The following ZNF268 variants were observed in gnomAD, a reference collection of about 807,000 sequenced individuals.
The protein encoded by ZNF268 is zinc finger protein 3.
In ZNF268, 20 loss-of-function variants were observed where a neutral mutation model predicts 29.3. The observed-to-expected ratio is 0.68, with a 90% CI of 0.48 to 0.99. The LOEUF is 0.99. ZNF268 is among the 50% of genes least tolerant of loss of function. ZNF268 has a pLI of 0.00. For missense variants in ZNF268, 1,240 were observed against 1,121.6 expected (o/e 1.11, Z -1.51); for synonymous variants, 429 against 376.9 (o/e 1.14, Z -1.60).
chr12:133,205,791 T>G lies in ZNF268; in HGVS notation c.*1261T>G, dbSNP rs1293639501. ...TCTTGATTTCCTCTTAACGAAACAT[T>G]CCCTAACGGTGTATGTAGTCATGAG... On this transcript the variant is annotated 3_prime_UTR_variant, in exon 6 of 6. Transcript: ENST00000536435. 6.6e-6 allele frequency: 1 copy of G among 152,168 alleles called. No individual in the cohort carries two copies. The highest frequency in any genetic ancestry group is 1.5e-5 in the Non-Finnish European group (1 of 68,038). 9.4% of individuals were successfully genotyped at this position (152,168 alleles called of 1,614,324 possible). A position where few individuals can be genotyped will look rare whatever the true frequency, so the allele number is the denominator to read the frequency against.
intron 5 of ZNF268, among the ~76,000 whole-genome samples, chr12:133,192,881 G>A (rs927737953): frequency 4.6e-5 from 7 of 152,100 alleles, no homozygotes; most frequent in Admixed American, 2.0e-4. Context: ...GGATGGTCTC[G>A]ATCTCCTGAC....
Position 133,210,872 on chromosome 12 carries a change from G to A in ZNF268, c.*6342G>A. The A allele has an allele frequency of 2.2e-6, 1 of 456,056 alleles. No individual in the cohort carries two copies. The highest frequency in any genetic ancestry group is 2.0e-5 in the African/African-American group (1 of 50,170). 28.3% of individuals were successfully genotyped at this position (456,056 alleles called of 1,614,324 possible). ...ACTGCAAGCAGGCTAGACAAGGTGTGTGCTTGCACCCCTTCCTTACTACCT... is the reference window on the plus strand; with the variant it reads ...ACTGCAAGCAGGCTAGACAAGGTGTATGCTTGCACCCCTTCCTTACTACCT... On this transcript the variant is annotated 3_prime_UTR_variant, in exon 6 of 6. Coordinates refer to ENST00000536435, the MANE Select transcript of ZNF268 (RefSeq NM_003415.3).
At position 133,203,707 on chromosome 12, in the gene ZNF268, C is replaced by T; in HGVS notation, c.2021C>T (p.Ala674Val). The change falls in exon 6 of 6, where the codon GCA becomes GTA. Residue 674 changes from alanine (A) to valine (V), a missense_variant. By Grantham distance (64) the Ala-to-Val change is moderately conservative (BLOSUM62 0). Transcript: ENST00000536435. ...AAACCCTATGGATGCAGTCAATGTGCAAAAACCTTTAGTTTGAAGTCCCAG... is the reference window on the plus strand; with the variant it reads ...AAACCCTATGGATGCAGTCAATGTGTAAAAACCTTTAGTTTGAAGTCCCAG... ...GVKPYGCSQC[A>V]KTFSLKSQLI... 2 of 1,546,844 alleles carry T rather than the reference C, an allele frequency of 1.3e-6. No individual in the cohort carries two copies. The highest frequency in any genetic ancestry group is 2.4e-5 in the South Asian group (2 of 85,056).
chr12:133,202,851 G>A lies in ZNF268; in HGVS notation c.1165G>A (p.Val389Met), dbSNP rs375311685. ...QKTHSGQKPYVCNECGKAFGL... is the reference protein window; with the variant it reads ...QKTHSGQKPYMCNECGKAFGL... The stretch of plus-strand genomic sequence containing the variant: ...AACTCATTCAGGACAGAAACCATAT[G>A]TGTGTAATGAATGTGGGAAAGCTTT... Residue 389 changes from valine (V) to methionine (M), a missense_variant, in exon 6 of 6, where the codon GTG becomes ATG. Val to Met is a conservative substitution (Grantham distance 21). Coordinates refer to ENST00000536435, the MANE Select transcript of ZNF268 (RefSeq NM_003415.3). 3.8e-6 allele frequency: 6 copies of A among 1,583,204 alleles called. No individual in the cohort carries two copies. In the African/African-American group the frequency reaches 5.4e-5, roughly 14 times the overall value.
intron 3 of ZNF268, among the ~76,000 whole-genome samples, chr12:133,188,339 G>A (rs1276913247): frequency 1.3e-5 from 2 of 152,044 alleles, no homozygotes; most frequent in Non-Finnish European, 2.9e-5. Flanking sequence ...GGGACAGCAG[G>A]CAAGTGCCAC....
Position 133,204,163 on chromosome 12 carries a change from A to C in ZNF268, c.2477A>C (p.His826Pro). ...ATTTGGAAATCACTACTCATTGTAC[A>C]TGAGCGAACTCATGCAGGGGTCAAC... ...AFIWKSLLIV[H>P]ERTHAGVNPY... The change falls in exon 6 of 6, where the codon CAT becomes CCT. Residue 826 changes from histidine to proline, a missense_variant. This residue lies in a region of ZNF268 where 1,177 missense variants were observed against 1,039.6 expected (regional missense o/e 1.13). Transcript: ENST00000536435. The C allele has an allele frequency of 6.5e-7, 1 of 1,542,154 alleles. No individual in the cohort carries two copies. Among genetic ancestry groups the C allele is most frequent in the South Asian group, 1.2e-5 (1 of 84,146 alleles).
At chr12:133,200,700 T>C (rs1020377823) in intron 5 of ZNF268, among the ~76,000 whole-genome samples, 8 of 152,126 alleles carry the variant, frequency 5.3e-5, no homozygotes, top group Non-Finnish European at 8.8e-5. Flanking sequence ...TTTCCCTTTT[T>C]GTTTTTGTGT....
At chr12:133,200,014 T>C (rs143501363) in intron 5 of ZNF268, among the ~76,000 whole-genome samples, 5,011 of 152,274 alleles carry the variant, frequency 0.033, 252 homozygotes, top group African/African-American at 0.11. Context: ...AGGGTTTTTG[T>C]GTCTCTATTT....
chr12:133,193,550 G>A (rs1459031850), intron 5 of ZNF268: 2 of 654,342 alleles, frequency 3.1e-6, no homozygotes, highest in Non-Finnish European at 5.5e-6. Context: ...AACACTGTGG[G>A]ACAGAAAGAG....
rs1134645 is a variant in ZNF268, at chr12:133,205,940, G to A, written c.*1410G>A. 99,696 of 152,090 alleles carry A rather than the reference G, an allele frequency of 0.66. 33,112 individuals are homozygous for A. The highest frequency in any genetic ancestry group is 0.91 in the East Asian group (4,726 of 5,176). The allele number at this position is 152,090 out of a possible 1,614,324, so 9.4% of individuals were successfully genotyped here. On this transcript the variant is annotated 3_prime_UTR_variant, in exon 6 of 6. Coordinates refer to ENST00000536435, the MANE Select transcript of ZNF268 (RefSeq NM_003415.3). ...GAAAAGCAACATGAGCTTTTGTTCT[G>A]TGGTAGCATGTTGATGTAATAAGTA...
intron 5 of ZNF268, among the ~76,000 whole-genome samples, chr12:133,200,777 C>G (rs1479160609): frequency 1.3e-5 from 2 of 152,092 alleles, no homozygotes; most frequent in Non-Finnish European, 2.9e-5. Flanking sequence ...CATCTTCAGT[C>G]TCTTTTTAAC....
intron 5 of ZNF268, among the ~76,000 whole-genome samples, chr12:133,199,187 CTTA>C (rs1363416728): frequency 6.6e-6 from 1 of 152,086 alleles, no homozygotes. Flanking sequence ...ATAGATAGCT[CTTA>C]TTATTTTGAG....
intron 5 of ZNF268, among the ~76,000 whole-genome samples, chr12:133,195,452 C>G (rs888300249): frequency 1.3e-5 from 2 of 152,164 alleles, no homozygotes; most frequent in Admixed American, 1.3e-4. Context: ...TGTCTGTGAT[C>G]CCAGCAGTTT....
chr12:133,209,485 A>G lies in ZNF268; in HGVS notation c.*4955A>G, dbSNP rs1395621799. The stretch of plus-strand genomic sequence containing the variant: ...TGAAGTTGCAAGTTTTAACATGTCT[A>G]CTCTTTAATTTTCAACATTGTTTCA... On this transcript the variant is annotated 3_prime_UTR_variant, in exon 6 of 6. Coordinates refer to ENST00000536435, the MANE Select transcript of ZNF268 (RefSeq NM_003415.3). 6.6e-6 allele frequency: 1 copy of G among 152,098 alleles called. No individual in the cohort carries two copies. The highest frequency in any genetic ancestry group is 1.5e-5 in the Non-Finnish European group (1 of 68,020). The allele number at this position is 152,098 out of a possible 1,614,324, so 9.4% of individuals were successfully genotyped here.
chr12:133,203,699 T>G lies in ZNF268; in HGVS notation c.2013T>G (p.Ser671Arg), dbSNP rs1382948879. 1.9e-6 allele frequency: 3 copies of G among 1,546,942 alleles called. No individual in the cohort carries two copies. The highest frequency in any genetic ancestry group is 2.6e-6 in the Non-Finnish European group (3 of 1,151,904). ...VHTGVKPYGCSQCAKTFSLKS... is the reference protein window; with the variant it reads ...VHTGVKPYGCRQCAKTFSLKS... ...CTGGAGTAAAACCCTATGGATGCAG[T>G]CAATGTGCAAAAACCTTTAGTTTGA... is the stretch of plus-strand genomic sequence containing the variant. The change falls in exon 6 of 6, where the codon AGT becomes AGG. Residue 671 changes from serine (S) to arginine (R), a missense_variant. Around this residue, in one of 3 missense-constraint regions of ZNF268, gnomAD observed 1,177 missense variants for 1,039.6 expected, o/e 1.13. Transcript: ENST00000536435.
In ZNF268 at chr12:133,210,695, TCCCC is replaced by T; in HGVS notation, c.*6168_*6171del. On this transcript the variant is annotated 3_prime_UTR_variant, in exon 6 of 6. Transcript: ENST00000536435. The stretch of plus-strand genomic sequence containing the variant: ...GCAAGGTCTGTTTGTCACTGTGGAT[TCCCC>T]CCTGCCAAGGGTCCCCAGGTCAGTC... 1 of 375,110 alleles carries T rather than the reference TCCCC, an allele frequency of 2.7e-6. No homozygotes were observed. Among genetic ancestry groups the T allele is most frequent in the Admixed American group, 3.2e-5 (1 of 31,384 alleles). 23.2% of individuals were successfully genotyped at this position (375,110 alleles called of 1,614,324 possible).
Position 133,202,781 on chromosome 12 carries a change from T to C in ZNF268, c.1095T>C (p.Cys365=). Residue 365 remains cysteine (C), a synonymous_variant, in exon 6 of 6, where the codon TGT becomes TGC. Transcript: ENST00000536435. ...TGENPYECCE[C]GKVFSRKDQL... ...AGAATCCCTATGAGTGCTGTGAATG[T>C]GGGAAAGTCTTCAGTAGGAAAGACC... is the stretch of plus-strand genomic sequence containing the variant. 6.2e-7 allele frequency: 1 copy of C among 1,610,264 alleles called. No individual in the cohort carries two copies. The highest frequency in any genetic ancestry group is 1.7e-5 in the Admixed American group (1 of 59,638).
In ZNF268 at chr12:133,212,437, G is replaced by A. The variant is rs1215421787; in HGVS notation, c.*7907G>A. On this transcript the variant is annotated 3_prime_UTR_variant, in exon 6 of 6. Coordinates refer to ENST00000536435, the MANE Select transcript of ZNF268 (RefSeq NM_003415.3). The stretch of plus-strand genomic sequence containing the variant: ...GATCAGTTCCAAGGGAGACTTTCAT[G>A]TGTGATTTTATATATATATATATAT... The A allele has an allele frequency of 8.3e-6, 1 of 120,652 alleles. No individual in the cohort carries two copies. Among genetic ancestry groups the A allele is most frequent in the Non-Finnish European group, 1.7e-5 (1 of 58,732 alleles). 7.5% of individuals were successfully genotyped at this position (120,652 alleles called of 1,614,324 possible).
chr12:133,192,046 G>T, intron 5 of ZNF268, 43 bp downstream of exon 5: 1 of 1,510,738 alleles, frequency 6.6e-7, no homozygotes, highest in East Asian at 2.3e-5. Flanking sequence ...TTTAGAATTA[G>T]CATGAATTCC....
Sources: gnomAD v4.1 joint callset for allele counts (sites outside exome capture counted in the v4.1 genomes callset) on GRCh38, gnomAD v4.1.1 for gene constraint, gnomAD v4.1.1 regional missense constraint, MANE v1.5 for transcripts, NCBI Gene and HGNC (gene_info 2026-07-23, HGNC 2026-07-21) for gene names.